PAK5: variants seen among roughly 807,000 people sequenced by gnomAD.
PAK5 encodes the protein p21 (RAC1) activated kinase 5, also known as serine/threonine-protein kinase PAK 5.
PAK5 carries 16 observed loss-of-function variants against 65.9 expected under a neutral mutation model. The ratio of observed to expected loss-of-function variants is 0.24; its 90% confidence interval spans 0.16 to 0.37. The LOEUF (loss-of-function observed/expected upper bound fraction) is 0.37, where lower values mean the gene tolerates loss of function less well. Among genes scored for constraint, PAK5 ranks in the 10% least tolerant of loss-of-function variants. The pLI is 1.00. For missense variants in PAK5, 785 were observed against 903.9 expected (o/e 0.87, Z 1.69); for synonymous variants, 371 against 354.9 (o/e 1.05, Z -0.51).
intron 2 of PAK5, among the ~76,000 whole-genome samples, chr20:9,659,255 A>G (rs1341618472): frequency 3.3e-5 from 5 of 152,194 alleles, no homozygotes; most frequent in Non-Finnish European, 5.9e-5. Flanking sequence ...ATCTTCAAGA[A>G]TATAAAAACT....
chr20:9,807,252 G>A (rs1240579265), intron 1 of PAK5, among the ~76,000 whole-genome samples: 2 of 152,068 alleles, frequency 1.3e-5, no homozygotes, highest in East Asian at 1.9e-4. Context: ...TCATTATTCT[G>A]TCTACCACAT....
At chr20:9,679,156 T>G (rs1245779407) in intron 2 of PAK5, among the ~76,000 whole-genome samples, 2 of 152,200 alleles carry the variant, frequency 1.3e-5, no homozygotes, top group Non-Finnish European at 2.9e-5. Flanking sequence ...GTAAATATAT[T>G]TTCTCTTGCC....
At chr20:9,713,822 T>C (rs2123494868) in intron 1 of PAK5, among the ~76,000 whole-genome samples, 1 of 152,064 alleles carries the variant, frequency 6.6e-6, no homozygotes, top group East Asian at 1.9e-4. Flanking sequence ...CGGAGGTAGA[T>C]GGTAGAATAA....
At chr20:9,717,295 T>C (rs995887305) in intron 1 of PAK5, among the ~76,000 whole-genome samples, 1 of 152,156 alleles carries the variant, frequency 6.6e-6, no homozygotes, top group Admixed American at 6.5e-5. Context: ...GCTGCACGAT[T>C]TGAGGCAATT....
chr20:9,666,186 C>T (rs6133735), intron 2 of PAK5, among the ~76,000 whole-genome samples: 29,022 of 151,884 alleles, frequency 0.19, 3,306 homozygotes, highest in East Asian at 0.4. Flanking sequence ...TATAACTTTA[C>T]AAAGATATTT....
intron 2 of PAK5, among the ~76,000 whole-genome samples, chr20:9,658,827 A>T (rs192518866): frequency 6.6e-6 from 1 of 152,184 alleles, no homozygotes; most frequent in Non-Finnish European, 1.5e-5. Flanking sequence ...AGATGAGCAC[A>T]ATTGGCTCTC....
At chr20:9,704,251 T>C (rs1356412573) in intron 2 of PAK5, among the ~76,000 whole-genome samples, 1 of 152,200 alleles carries the variant, frequency 6.6e-6, no homozygotes, top group African/African-American at 2.4e-5. Context: ...TAGTCTCCTT[T>C]AAAGTAGCCA....
intron 1 of PAK5, among the ~76,000 whole-genome samples, chr20:9,780,344 C>T (rs1428854471): frequency 6.6e-6 from 1 of 151,998 alleles, no homozygotes; most frequent in African/African-American, 2.4e-5. Flanking sequence ...AAAAATGTCT[C>T]ATCTTTTGCT....
At chr20:9,544,611 G>T in intron 7 of PAK5, 117 bp from the exon 8 acceptor site, 1 of 906,310 alleles carries the variant, frequency 1.1e-6, no homozygotes, top group Non-Finnish European at 1.7e-6. Context: ...AACAGGCCTT[G>T]GACATATCAG....
At chr20:9,671,206 A>G (rs1050639648) in intron 2 of PAK5, among the ~76,000 whole-genome samples, 31 of 152,150 alleles carry the variant, frequency 2.0e-4, no homozygotes, top group Non-Finnish European at 3.2e-4. Context: ...GTCAGGTAGC[A>G]TGACGCCTCC....
chr20:9,592,604 A>G (rs570220863), intron 3 of PAK5, among the ~76,000 whole-genome samples: 1 of 152,240 alleles, frequency 6.6e-6, no homozygotes, highest in Admixed American at 6.5e-5. Flanking sequence ...AATTGCACCA[A>G]ACCAAAAGTT....
intron 1 of PAK5, among the ~76,000 whole-genome samples, chr20:9,836,383 A>G (rs1979148837): frequency 6.6e-6 from 1 of 152,190 alleles, no homozygotes; most frequent in South Asian, 2.1e-4. Flanking sequence ...AATATGAATG[A>G]TGTCCGTATA....
At position 9,838,739 on chromosome 20, in the gene PAK5, T is replaced by C. The variant is rs1979361771; in HGVS notation, c.-162+23A>G. Reference sequence around the variant, plus strand: ...CTCTCGCCGATACCCACCCAGGCAGTCCCGACAGGCGCGCCTGCCTACCTG... The same window carrying C: ...CTCTCGCCGATACCCACCCAGGCAGCCCCGACAGGCGCGCCTGCCTACCTG... On this transcript the variant is annotated intron_variant, in intron 1 of 9. Transcript: ENST00000353224. This position sits in a 1 kb window ranked among gnomAD's most constrained non-coding sequence, Gnocchi z 4.5. 1 of 152,208 alleles carries C rather than the reference T, an allele frequency of 6.6e-6. No homozygotes were observed. Among genetic ancestry groups the C allele is most frequent in the African/African-American group, 2.4e-5 (1 of 41,444 alleles). 9.4% of individuals were successfully genotyped at this position (152,208 alleles called of 1,614,324 possible). A position where few individuals can be genotyped will look rare whatever the true frequency, so the allele number is the denominator to read the frequency against.
intron 1 of PAK5, among the ~76,000 whole-genome samples, chr20:9,717,867 G>T (rs2048168245): frequency 6.6e-6 from 1 of 152,104 alleles, no homozygotes; most frequent in South Asian, 2.1e-4. Flanking sequence ...TGATACACCC[G>T]CCTCGGCCTC....
chr20:9,810,029 A>T (rs2049279880), intron 1 of PAK5, among the ~76,000 whole-genome samples: 1 of 152,120 alleles, frequency 6.6e-6, no homozygotes, highest in Non-Finnish European at 1.5e-5. Context: ...CCCGAGACTC[A>T]TTCCTTTCAT....
chr20:9,652,270 T>C (rs1387336381), intron 2 of PAK5, among the ~76,000 whole-genome samples: 1 of 152,208 alleles, frequency 6.6e-6, no homozygotes, highest in African/African-American at 2.4e-5. Context: ...ATTGCTCAGA[T>C]ATACATTTAT....
chr20:9,684,431 A>C (rs1339801475), intron 2 of PAK5, among the ~76,000 whole-genome samples: 1 of 152,210 alleles, frequency 6.6e-6, no homozygotes. Flanking sequence ...TGAAGATATG[A>C]AAGTCAAGCC....
At chr20:9,729,618 T>G (rs1437054760) in intron 1 of PAK5, among the ~76,000 whole-genome samples, 1 of 152,164 alleles carries the variant, frequency 6.6e-6, no homozygotes, top group African/African-American at 2.4e-5. Context: ...GAGCCCTATT[T>G]GATCTTCCCT....
intron 1 of PAK5, among the ~76,000 whole-genome samples, chr20:9,794,884 T>C (rs1007979770): frequency 4.6e-5 from 7 of 152,048 alleles, no homozygotes; most frequent in Non-Finnish European, 8.8e-5. Flanking sequence ...CCTGGATGGC[T>C]TTTCTTCTCA....
Sources: allele counts gnomAD v4.1 joint callset (sites outside exome capture counted in the v4.1 genomes callset), GRCh38; gene constraint gnomAD v4.1.1; non-coding constraint Gnocchi (gnomAD v3.1); transcripts MANE v1.5; gene names NCBI Gene and HGNC (gene_info 2026-07-23, HGNC 2026-07-21).